Variants in ARB2A observed in about 807,000 individuals in gnomAD.
The protein encoded by ARB2A is ARB2 cotranscriptional regulator A, also known as cotranscriptional regulator ARB2A.
the ARB2A span, among the ~76,000 whole-genome samples, chr5:93,905,467 A>C: frequency 5.9e-5 from 9 of 151,628 alleles, no homozygotes; most frequent in African/African-American, 2.2e-4. Flanking sequence ...ATAAGAATAA[A>C]GTAACTTTTT....
the ARB2A span, among the ~76,000 whole-genome samples, chr5:93,709,595 T>C: frequency 1.6e-5 from 2 of 124,760 alleles, no homozygotes; most frequent in Non-Finnish European, 3.1e-5. Flanking sequence ...ATTGCACCAT[T>C]GCACTCCAGC....
At chr5:93,660,749 C>T in the ARB2A span, among the ~76,000 whole-genome samples, 30 of 152,050 alleles carry the variant, frequency 2.0e-4, no homozygotes, top group Non-Finnish European at 8.8e-5. Flanking sequence ...TGAGGGATTA[C>T]AGACAGGGGT....
chr5:93,891,258 T>C, the ARB2A span, among the ~76,000 whole-genome samples: 1 of 152,124 alleles, frequency 6.6e-6, no homozygotes, highest in East Asian at 1.9e-4. Context: ...AATCTATACA[T>C]GGACGTCATT....
the ARB2A span, among the ~76,000 whole-genome samples, chr5:93,684,818 T>C: frequency 6.6e-6 from 1 of 152,148 alleles, no homozygotes; most frequent in African/African-American, 2.4e-5. Context: ...TAGGTAAAAA[T>C]TAAAACAAAT....
chr5:93,751,372 A>T, the ARB2A span, among the ~76,000 whole-genome samples: 2 of 152,214 alleles, frequency 1.3e-5, no homozygotes, highest in Non-Finnish European at 2.9e-5. Context: ...AACAGACACT[A>T]TGGACAGAAA....
chr5:93,973,318 A>T, the ARB2A span, among the ~76,000 whole-genome samples: 1 of 151,648 alleles, frequency 6.6e-6, no homozygotes, highest in Non-Finnish European at 1.5e-5. Flanking sequence ...CAGAAGAAGG[A>T]ATCTCAGAGC....
the ARB2A span, among the ~76,000 whole-genome samples, chr5:93,634,841 T>C: frequency 6.6e-6 from 1 of 152,252 alleles, no homozygotes; most frequent in African/African-American, 2.4e-5. Context: ...AAGGGCGTGA[T>C]CTTGGCTCAC....
At chr5:94,027,944 T>C in the ARB2A span, among the ~76,000 whole-genome samples, 12 of 152,132 alleles carry the variant, frequency 7.9e-5, no homozygotes, top group South Asian at 2.1e-3. Context: ...CAGAAGTGAA[T>C]TGAATTAGAG....
the ARB2A span, among the ~76,000 whole-genome samples, chr5:93,979,491 T>C: frequency 2.0e-5 from 3 of 152,090 alleles, no homozygotes; most frequent in Non-Finnish European, 4.4e-5. Context: ...TTATCACTAA[T>C]ATTGATTAAC....
the ARB2A span, among the ~76,000 whole-genome samples, chr5:93,654,520 C>A: frequency 6.6e-6 from 1 of 152,154 alleles, no homozygotes; most frequent in East Asian, 1.9e-4. Flanking sequence ...TAAAAAATGT[C>A]ATTTTCCTCT....
the ARB2A span, among the ~76,000 whole-genome samples, chr5:93,801,232 T>G: frequency 2.0e-5 from 3 of 152,248 alleles, no homozygotes; most frequent in East Asian, 5.8e-4. Flanking sequence ...ACATTTCCAA[T>G]GGAAGAAAAA....
chr5:93,755,088 C>T, the ARB2A span, among the ~76,000 whole-genome samples: 1 of 152,006 alleles, frequency 6.6e-6, no homozygotes, highest in Non-Finnish European at 1.5e-5. Context: ...TTCTAAAATG[C>T]CTAATGGGAG....
chr5:93,984,180 T>C, the ARB2A span, among the ~76,000 whole-genome samples: 5 of 152,158 alleles, frequency 3.3e-5, no homozygotes, highest in South Asian at 2.1e-4. Flanking sequence ...TTTGAAAATA[T>C]GCAAATGTTT....
At chr5:93,765,662 C>G in the ARB2A span, among the ~76,000 whole-genome samples, 1 of 151,888 alleles carries the variant, frequency 6.6e-6, no homozygotes, top group East Asian at 1.9e-4. Context: ...ATCAAGCTAC[C>G]AATGACTAGA....
At chr5:93,888,340 T>A in the ARB2A span, among the ~76,000 whole-genome samples, 1 of 151,936 alleles carries the variant, frequency 6.6e-6, no homozygotes, top group East Asian at 1.9e-4. Flanking sequence ...CGTTTATACA[T>A]TAAACTAAAA....
the ARB2A span, among the ~76,000 whole-genome samples, chr5:93,755,384 C>A: frequency 6.6e-6 from 1 of 152,178 alleles, no homozygotes; most frequent in African/African-American, 2.4e-5. Flanking sequence ...GTAAGATCAT[C>A]ATGGCTGACG....
chr5:94,010,719 CTGTTA>C, the ARB2A span, among the ~76,000 whole-genome samples: 1 of 151,700 alleles, frequency 6.6e-6, no homozygotes, highest in Non-Finnish European at 1.5e-5. Flanking sequence ...AGGTTTTTTC[CTGTTA>C]TATTATTATA....
At chr5:93,830,311 G>GTGTGTGTGTATGTGTGTGTGTA in the ARB2A span, among the ~76,000 whole-genome samples, 1 of 82,260 alleles carries the variant, frequency 1.2e-5, no homozygotes, top group Non-Finnish European at 2.4e-5. Context: ...GTGTGTGTGT[G>GTGTGTGTGTATGTGTGTGTGTA]TATATATATA....
At chr5:93,710,117 G>A in the ARB2A span, among the ~76,000 whole-genome samples, 1 of 152,184 alleles carries the variant, frequency 6.6e-6, no homozygotes, top group Non-Finnish European at 1.5e-5. Context: ...TCAGGAGCAT[G>A]TTATGCATTC....
Sources: allele counts gnomAD v4.1 joint callset (sites outside exome capture counted in the v4.1 genomes callset), GRCh38; gene constraint gnomAD v4.1.1; transcripts MANE v1.5; gene names NCBI Gene and HGNC (gene_info 2026-07-23, HGNC 2026-07-21).